The following TAS2R1 variants were observed in gnomAD, a reference collection of about 807,000 sequenced individuals.
TAS2R1 encodes the protein taste 2 receptor member 1.
For synonymous variants in TAS2R1, 141 were observed against 134.2 expected (o/e 1.05, Z -0.35); for missense variants, 370 against 353.4 (o/e 1.05, Z -0.38).
At chr5:9,687,342 T>C (rs1470309326) in intron 1 of TAS2R1, among the ~76,000 whole-genome samples, 2 of 152,196 alleles carry the variant, frequency 1.3e-5, no homozygotes, top group African/African-American at 2.4e-5. Context: ...AAATAACAAA[T>C]GCTACATTTA....
the TAS2R1 span, among the ~76,000 whole-genome samples, chr5:9,756,520 T>C: frequency 1.3e-5 from 2 of 152,220 alleles, no homozygotes; most frequent in Non-Finnish European, 2.9e-5. Context: ...GTTAAGCATC[T>C]CTTCTAATTT....
At chr5:9,752,150 TAA>T in the TAS2R1 span, among the ~76,000 whole-genome samples, 7 of 152,200 alleles carry the variant, frequency 4.6e-5, no homozygotes, top group African/African-American at 1.7e-4. Context: ...AGTTTTGTGT[TAA>T]GTTAGATACA....
chr5:9,853,309 G>A, the TAS2R1 span, among the ~76,000 whole-genome samples: 3 of 152,256 alleles, frequency 2.0e-5, no homozygotes, highest in Non-Finnish European at 2.9e-5. Context: ...CCTACAGGCT[G>A]TGTCAAGAGC....
At chr5:9,791,516 C>T in the TAS2R1 span, among the ~76,000 whole-genome samples, 1 of 152,184 alleles carries the variant, frequency 6.6e-6, no homozygotes, top group East Asian at 1.9e-4. Flanking sequence ...CTGGGCAACA[C>T]AGTGAAACCC....
intron 1 of TAS2R1, among the ~76,000 whole-genome samples, chr5:9,677,565 T>C (rs377544240): frequency 1.4e-3 from 214 of 152,120 alleles, no homozygotes; most frequent in African/African-American, 4.7e-3. Flanking sequence ...CAAACAAGCA[T>C]GTGAAAAGAT....
intron 2 of TAS2R1, among the ~76,000 whole-genome samples, chr5:9,646,380 C>T (rs536018318): frequency 1.3e-5 from 2 of 152,104 alleles, no homozygotes; most frequent in South Asian, 4.1e-4. Context: ...CATTGACTGG[C>T]TATACTTTGT....
intron 2 of TAS2R1, among the ~76,000 whole-genome samples, chr5:9,652,630 T>C (rs1221859370): frequency 1.3e-5 from 2 of 152,218 alleles, no homozygotes; most frequent in Non-Finnish European, 2.9e-5. Flanking sequence ...GCTTTTATTG[T>C]ATTAATCCAT....
intron 1 of TAS2R1, among the ~76,000 whole-genome samples, chr5:9,681,338 A>T (rs1318244693): frequency 1.3e-5 from 2 of 151,974 alleles, no homozygotes; most frequent in East Asian, 3.9e-4. Context: ...TAAATCTAAA[A>T]ACATCCTAAA....
chr5:9,693,379 C>T (rs1466673822), intron 1 of TAS2R1, among the ~76,000 whole-genome samples: 1 of 151,618 alleles, frequency 6.6e-6, no homozygotes, highest in East Asian at 1.9e-4. Context: ...ACAAAATTAG[C>T]CAGACATGGC....
chr5:9,654,395 A>C (rs1740368620), intron 2 of TAS2R1, among the ~76,000 whole-genome samples: 1 of 152,164 alleles, frequency 6.6e-6, no homozygotes, highest in Non-Finnish European at 1.5e-5. Flanking sequence ...TTTACTTATA[A>C]AAAATAGCAT....
At chr5:9,862,123 G>A in the TAS2R1 span, among the ~76,000 whole-genome samples, 1 of 152,014 alleles carries the variant, frequency 6.6e-6, no homozygotes, top group Non-Finnish European at 1.5e-5. Flanking sequence ...TTACGAGGAG[G>A]GACTGGCAAA....
the TAS2R1 span, among the ~76,000 whole-genome samples, chr5:9,830,777 T>C: frequency 2.3e-4 from 35 of 152,366 alleles, no homozygotes; most frequent in Admixed American, 1.4e-3. Context: ...TCTGAGGTCT[T>C]CTTCCTTCTT....
In TAS2R1 at chr5:9,661,886, T is replaced by C. The variant is rs115811976; in HGVS notation, c.-241-2305A>G. 6.0e-3 allele frequency among the ~76,000 whole-genome samples: 918 copies of C among 152,304 alleles called. 11 individuals carry two copies. The highest frequency in any genetic ancestry group is 0.021 in the African/African-American group (885 of 41,562). ...TCTGCCTCAAACAAACCACCCAAAC[T>C]TAGTGCCTGAAACAGCTCAGGTTTA... On this transcript the variant is annotated intron_variant, in intron 1 of 2. Coordinates refer to the TAS2R1 transcript ENST00000506620.
chr5:9,642,314 T>C (rs1280479325), intron 2 of TAS2R1, among the ~76,000 whole-genome samples: 1 of 152,220 alleles, frequency 6.6e-6, no homozygotes, highest in Non-Finnish European at 1.5e-5. Flanking sequence ...GAACAATTCC[T>C]GCTTTAAGAA....
the TAS2R1 span, among the ~76,000 whole-genome samples, chr5:9,772,347 T>C: frequency 6.6e-6 from 1 of 152,158 alleles, no homozygotes; most frequent in East Asian, 1.9e-4. Context: ...TGTAGCATTA[T>C]GTCATTGTGG....
chr5:9,782,608 G>C, the TAS2R1 span, among the ~76,000 whole-genome samples: 1 of 152,210 alleles, frequency 6.6e-6, no homozygotes, highest in Admixed American at 6.5e-5. Flanking sequence ...AGCACTGCAT[G>C]GTCTCCAGCT....
At chr5:9,661,247 C>G (rs994744287) in intron 1 of TAS2R1, among the ~76,000 whole-genome samples, 7 of 152,184 alleles carry the variant, frequency 4.6e-5, no homozygotes, top group African/African-American at 1.7e-4. Context: ...AGCATGAACT[C>G]CAGTTTCTTT....
the TAS2R1 span, among the ~76,000 whole-genome samples, chr5:9,776,706 G>C: frequency 5.3e-5 from 8 of 152,100 alleles, no homozygotes; most frequent in African/African-American, 1.9e-4. Context: ...TGCTTGACGT[G>C]GAAAGTGGAA....
the TAS2R1 span, among the ~76,000 whole-genome samples, chr5:9,738,523 T>G: frequency 6.6e-6 from 1 of 152,230 alleles, no homozygotes; most frequent in Non-Finnish European, 1.5e-5. Context: ...CTTTGTTTAG[T>G]CTGATAGGGG....
Sources: allele counts gnomAD v4.1 joint callset (sites outside exome capture counted in the v4.1 genomes callset), GRCh38; gene constraint gnomAD v4.1.1; transcripts MANE v1.5; gene names NCBI Gene and HGNC (gene_info 2026-07-23, HGNC 2026-07-21).